The following MAP2K6 variants were observed in gnomAD, a reference collection of about 807,000 sequenced individuals.
The protein encoded by MAP2K6 is dual specificity mitogen-activated protein kinase kinase 6.
Under a neutral mutation model 53.7 loss-of-function variants are expected in MAP2K6, and 16 were observed. The observed-to-expected ratio is 0.30, with a 90% confidence interval of 0.20 to 0.45. The LOEUF (loss-of-function observed/expected upper bound fraction) is 0.45, where lower values mean the gene tolerates loss of function less well. MAP2K6 is among the 20% of genes least tolerant of loss of function. The pLI is 1.00. For missense variants in MAP2K6, 204 were observed against 411.9 expected, an observed-to-expected ratio of 0.50 and a Z score of 4.37; for synonymous variants, 132 against 143.1, an observed-to-expected ratio of 0.92 and a Z score of 0.55.
At chr17:69,526,810 C>A in intron 10 of MAP2K6, 101 bp downstream of exon 10, 1 of 1,392,264 alleles carries the variant, frequency 7.2e-7, no homozygotes. Flanking sequence ...ACATTCATTC[C>A]GAAAGCATTT....
intron 1 of MAP2K6, among the ~76,000 whole-genome samples, chr17:69,479,720 T>C (rs764322070): frequency 1.1e-4 from 12 of 107,890 alleles, no homozygotes; most frequent in African/African-American, 2.0e-4. Context: ...CCTTTTGTTC[T>C]TTTTTTTTTT....
intron 1 of MAP2K6, chr17:69,435,485 G>A (rs1263060905): frequency 6.7e-6 from 1 of 148,538 alleles, no homozygotes; most frequent in African/African-American, 2.5e-5. Context: ...TTTGAGCCGA[G>A]ATCGTGCCAT....
intron 1 of MAP2K6, among the ~76,000 whole-genome samples, chr17:69,456,887 T>A (rs1907427575): frequency 6.6e-6 from 1 of 152,214 alleles, no homozygotes; most frequent in Non-Finnish European, 1.5e-5. Flanking sequence ...GCTTCCGTTT[T>A]AAAGTTGTCC....
chr17:69,425,712 T>C (rs1173317893), intron 1 of MAP2K6, among the ~76,000 whole-genome samples: 1 of 152,168 alleles, frequency 6.6e-6, no homozygotes, highest in Non-Finnish European at 1.5e-5. Context: ...GCTGCGGAAA[T>C]AGATGGTCTG....
chr17:69,459,771 T>G (rs1173140022), intron 1 of MAP2K6, among the ~76,000 whole-genome samples: 3 of 150,174 alleles, frequency 2.0e-5, no homozygotes, highest in African/African-American at 7.3e-5. Context: ...ATACATAGAT[T>G]GCAAGGTGTC....
At chr17:69,468,618 C>G (rs572295005) in intron 1 of MAP2K6, among the ~76,000 whole-genome samples, 1 of 152,082 alleles carries the variant, frequency 6.6e-6, no homozygotes, top group Non-Finnish European at 1.5e-5. Flanking sequence ...ATGATGACAT[C>G]GAAGCTGAGT....
chr17:69,428,244 G>T (rs1211092290), intron 1 of MAP2K6, among the ~76,000 whole-genome samples: 1 of 152,248 alleles, frequency 6.6e-6, no homozygotes, highest in Non-Finnish European at 1.5e-5. Context: ...GGAGGCCAGA[G>T]GTCCAAGATC....
chr17:69,424,297 C>T (rs1207962129), intron 1 of MAP2K6, among the ~76,000 whole-genome samples: 3 of 152,062 alleles, frequency 2.0e-5, no homozygotes, highest in Admixed American at 2.0e-4. Flanking sequence ...TAGAATGAGC[C>T]CAGATTTGTT....
chr17:69,435,245 A>G (rs192059365), intron 1 of MAP2K6: 2 of 152,318 alleles, frequency 1.3e-5, no homozygotes, highest in African/African-American at 4.8e-5. Context: ...TTGAATAAGA[A>G]TTGTAAATGC....
At chr17:69,503,285 G>A (rs2145218063) in intron 1 of MAP2K6, among the ~76,000 whole-genome samples, 1 of 152,268 alleles carries the variant, frequency 6.6e-6, no homozygotes, top group East Asian at 1.9e-4. Context: ...TGTCTGTTTG[G>A]CTGAGGTGCA....
intron 10 of MAP2K6, among the ~76,000 whole-genome samples, chr17:69,532,378 CA>C (rs1477770380): frequency 6.6e-6 from 1 of 152,208 alleles, no homozygotes; most frequent in Non-Finnish European, 1.5e-5. Context: ...TAGCAATTCT[CA>C]AGACAGCATG....
intron 2 of MAP2K6, among the ~76,000 whole-genome samples, chr17:69,508,935 A>T (rs1255687958): frequency 6.6e-6 from 1 of 152,110 alleles, no homozygotes; most frequent in Non-Finnish European, 1.5e-5. Flanking sequence ...GTTTGAAGTT[A>T]TTTCCGCATT....
At chr17:69,506,459 G>A (rs1461911472) in intron 2 of MAP2K6, among the ~76,000 whole-genome samples, 1 of 150,548 alleles carries the variant, frequency 6.6e-6, no homozygotes, top group East Asian at 1.9e-4. Context: ...TGGTGGGAAC[G>A]GTACTTCCTG....
intron 1 of MAP2K6, among the ~76,000 whole-genome samples, chr17:69,448,469 C>G (rs1321806366): frequency 6.6e-6 from 1 of 152,166 alleles, no homozygotes; most frequent in African/African-American, 2.4e-5. Flanking sequence ...CAGCCCGAAG[C>G]TGGAGGTCTG....
intron 1 of MAP2K6, among the ~76,000 whole-genome samples, chr17:69,418,816 C>T (rs1027406628): frequency 1.4e-4 from 21 of 151,958 alleles, no homozygotes; most frequent in African/African-American, 4.6e-4. Context: ...CTTTGAATGT[C>T]CAGTTCTTCT....
chr17:69,477,748 G>A (rs918951588), intron 1 of MAP2K6, among the ~76,000 whole-genome samples: 3 of 152,174 alleles, frequency 2.0e-5, no homozygotes, highest in African/African-American at 7.2e-5. Context: ...TGCACAATGA[G>A]GATATCAACT....
chr17:69,475,208 T>A (rs1174542952), intron 1 of MAP2K6, among the ~76,000 whole-genome samples: 3 of 144,902 alleles, frequency 2.1e-5, no homozygotes, highest in Non-Finnish European at 3.0e-5. Flanking sequence ...TCACTGTGTC[T>A]CCCAGGTTGG....
rs1911988180 is a variant in MAP2K6 at position 69,548,957 on chromosome 17, T to G, written c.*7204T>G. 6.6e-6 allele frequency: 1 copy of G among 152,138 alleles called. No individual in the cohort carries two copies. The highest frequency in any genetic ancestry group is 6.5e-5 in the Admixed American group (1 of 15,272). The allele number at this position is 152,138 out of a possible 1,614,324, so 9.4% of individuals were successfully genotyped here. A position where few individuals can be genotyped will look rare whatever the true frequency, so the allele number is the denominator to read the frequency against. On this transcript the variant is annotated 3_prime_UTR_variant, in exon 12 of 12. Transcript: ENST00000590474. ...GCACTTGCTAGCCTAAGCAGAAACATAAAGTAAAAAATTTTGTAGTAGGGA... is the reference window on the plus strand; with the variant it reads ...GCACTTGCTAGCCTAAGCAGAAACAGAAAGTAAAAAATTTTGTAGTAGGGA...
chr17:69,528,751 C>T (rs754341128), intron 10 of MAP2K6, among the ~76,000 whole-genome samples: 5 of 148,386 alleles, frequency 3.4e-5, no homozygotes, highest in Non-Finnish European at 5.9e-5. Flanking sequence ...CCCAGCTACT[C>T]GGGAGATTGA....
Sources: allele counts gnomAD v4.1 joint callset (sites outside exome capture counted in the v4.1 genomes callset), GRCh38; gene constraint gnomAD v4.1.1; transcripts MANE v1.5; gene names NCBI Gene and HGNC (gene_info 2026-07-23, HGNC 2026-07-21).